The following PKHD1L1 variants were observed in gnomAD, a reference collection of about 807,000 sequenced individuals.
PKHD1L1 encodes the protein PKHD1 like 1.
Under a neutral mutation model 462.9 loss-of-function variants are expected in PKHD1L1, and 434 were observed. That is an observed-to-expected ratio of 0.94 (90% CI 0.87 to 1.02). The LOEUF is 1.02. Ranked by LOEUF, PKHD1L1 falls within the 50% of genes least tolerant of loss-of-function variation. PKHD1L1 has a pLI of 0.00. For synonymous variants in PKHD1L1, 1,781 were observed against 1,750.0 expected (o/e 1.02, Z -0.44); for missense variants, 5,202 against 5,096.1 (o/e 1.02, Z -0.63).
chr8:109,436,234 AT>A, intron 29 of PKHD1L1, 103 bp from the exon 30 acceptor site: 1 of 1,204,812 alleles, frequency 8.3e-7, no homozygotes, highest in Non-Finnish European at 1.2e-6. Flanking sequence ...CTCTTGGATC[AT>A]TAGACTATTC....
intron 2 of PKHD1L1, among the ~76,000 whole-genome samples, chr8:109,372,071 T>C (rs1811541239): frequency 6.6e-6 from 1 of 152,206 alleles, no homozygotes; most frequent in Admixed American, 6.5e-5. Context: ...GGGGATGGCA[T>C]TGAATCTATA....
chr8:109,493,825 G>T (rs1818952763), intron 63 of PKHD1L1, 74 bp downstream of exon 63: 2 of 994,252 alleles, frequency 2.0e-6, no homozygotes, highest in Non-Finnish European at 2.9e-6. Context: ...AATAATTATT[G>T]TTTGTTAATT....
intron 9 of PKHD1L1, among the ~76,000 whole-genome samples, chr8:109,394,189 A>AG (rs961840550): frequency 6.6e-5 from 10 of 151,136 alleles, no homozygotes; most frequent in African/African-American, 2.4e-4. Flanking sequence ...AAAAAAAAAA[A>AG]AAAAAAAAGA....
rs1490809741 is a variant in PKHD1L1 at position 109,445,040 on chromosome 8, T to C, written c.5171T>C (p.Val1724Ala). The change falls in exon 38 of 78, where the codon GTA becomes GCA. Residue 1724 changes from valine (V) to alanine (A), a missense_variant. Around this residue, in one of 3 missense-constraint regions of PKHD1L1, gnomAD observed 4,497 missense variants for 4,336.8 expected, o/e 1.04. Transcript: ENST00000378402. ...TSPAAQQLVD[V>A]DLLIHGVPAQ... ...CCTGCTGCCCAACAGCTTGTGGATG[T>C]AGATCTTCTAATACATGGAGTGCCT... 1 of 1,613,866 alleles carries C rather than the reference T, an allele frequency of 6.2e-7. No individual in the cohort carries two copies. The highest frequency in any genetic ancestry group is 1.3e-5 in the African/African-American group (1 of 74,924).
Position 109,445,273 on chromosome 8 carries a change from G to C in PKHD1L1, c.5404G>C (p.Val1802Leu). The C allele has an allele frequency of 6.2e-7, 1 of 1,614,008 alleles. No individual in the cohort carries two copies. The highest frequency in any genetic ancestry group is 8.5e-7 in the Non-Finnish European group (1 of 1,179,882). ...EVNENNITALVTPLPVGHHSV... is the reference protein window; with the variant it reads ...EVNENNITALLTPLPVGHHSV... ...TAATGAAAACAACATCACTGCTCTT[G>C]TGACTCCTCTCCCAGTTGGACATCA... Residue 1802 changes from valine (V) to leucine (L), a missense_variant, in exon 38 of 78, where the codon GTG (valine) becomes CTG (leucine). Around this residue, in one of 3 missense-constraint regions of PKHD1L1, gnomAD observed 4,497 missense variants for 4,336.8 expected, o/e 1.04. Transcript: ENST00000378402.
At chr8:109,386,760 G>C (rs1586406330) in intron 6 of PKHD1L1, among the ~76,000 whole-genome samples, 1 of 152,128 alleles carries the variant, frequency 6.6e-6, no homozygotes, top group African/African-American at 2.4e-5. Flanking sequence ...CTAATTCTTA[G>C]ACAGGTTTTT....
intron 2 of PKHD1L1, among the ~76,000 whole-genome samples, chr8:109,378,563 G>A (rs867607420): frequency 1.3e-5 from 2 of 152,288 alleles, no homozygotes; most frequent in African/African-American, 2.4e-5. Context: ...TTCCATGACT[G>A]TCTATAATAC....
intron 52 of PKHD1L1, among the ~76,000 whole-genome samples, 167 bp downstream of exon 52, chr8:109,476,834 T>C (rs1417106734): frequency 2.0e-5 from 3 of 152,176 alleles, no homozygotes; most frequent in Non-Finnish European, 2.9e-5. Flanking sequence ...GAAAAGGTTT[T>C]GAGTTGAATT....
chr8:109,419,060 A>T, intron 21 of PKHD1L1, 37 bp from the exon 22 acceptor site: 1 of 1,547,016 alleles, frequency 6.5e-7, no homozygotes, highest in Non-Finnish European at 8.8e-7. Flanking sequence ...AAACATTACC[A>T]CTGATCTATA....
At chr8:109,454,337 C>A in intron 44 of PKHD1L1, 91 bp downstream of exon 44, 1 of 843,968 alleles carries the variant, frequency 1.2e-6, no homozygotes, top group Non-Finnish European at 1.8e-6. Context: ...TTAATTATAT[C>A]AACCTCTCCT....
At chr8:109,502,941 T>C (rs892507539) in intron 67 of PKHD1L1, among the ~76,000 whole-genome samples, 21 of 152,314 alleles carry the variant, frequency 1.4e-4, no homozygotes, top group South Asian at 8.3e-4. Flanking sequence ...TAGCTACTTG[T>C]GGTAATGGAC....
chr8:109,464,827 A>T lies in PKHD1L1; in HGVS notation c.7995A>T (p.Gly2665=). 1.9e-6 allele frequency: 3 copies of T among 1,613,796 alleles called. No homozygotes were observed. The highest frequency in any genetic ancestry group is 2.5e-6 in the Non-Finnish European group (3 of 1,179,796). The stretch of plus-strand genomic sequence containing the variant: ...AAAAAGGAGCTGAATGGGTCAATGG[A>T]GGTGCCCTTCAGTTCCATAACTTTG... ...NCQKGAEWVN[G]GALQFHNFVM... Residue 2665 remains glycine, a synonymous_variant, in exon 49 of 78, where the codon GGA becomes GGT. Coordinates refer to ENST00000378402, the MANE Select transcript of PKHD1L1 (RefSeq NM_177531.6).
Position 109,518,170 on chromosome 8 carries a change from A to C in PKHD1L1, c.11693A>C (p.Gln3898Pro). ...CELNNHLYKD[Q>P]FLPNLDSTVL... Reference sequence around the variant, plus strand: ...TTCTGGCTTTTTTCCTTCATAGACCAATTCCTTCCTAACCTGGATTCCACT... The same window carrying C: ...TTCTGGCTTTTTTCCTTCATAGACCCATTCCTTCCTAACCTGGATTCCACT... Residue 3898 changes from glutamine to proline, a missense_variant, in exon 73 of 78, where the codon CAA becomes CCA. Physicochemically the swap from Gln to Pro is moderately conservative, Grantham distance 76. Coordinates refer to ENST00000378402, the MANE Select transcript of PKHD1L1 (RefSeq NM_177531.6). The C allele has an allele frequency of 6.4e-7, 1 of 1,566,406 alleles. No homozygotes were observed. Among genetic ancestry groups the C allele is most frequent in the Non-Finnish European group, 8.7e-7 (1 of 1,142,952 alleles).
chr8:109,467,784 C>A (rs1480749034), intron 50 of PKHD1L1, among the ~76,000 whole-genome samples: 1 of 152,004 alleles, frequency 6.6e-6, no homozygotes, highest in African/African-American at 2.4e-5. Flanking sequence ...TAAACAAAAT[C>A]TTTATATCAT....
intron 51 of PKHD1L1, 79 bp downstream of exon 51, chr8:109,475,348 A>G (rs1021778645): frequency 7.0e-6 from 8 of 1,150,774 alleles, no homozygotes; most frequent in Non-Finnish European, 2.4e-6. Context: ...ACTCACAGAC[A>G]TTGTCAGGCC....
chr8:109,369,176 A>G (rs1476518314), intron 2 of PKHD1L1, among the ~76,000 whole-genome samples: 1 of 149,660 alleles, frequency 6.7e-6, no homozygotes, highest in Non-Finnish European at 1.5e-5. Context: ...GGGTTTCACC[A>G]TCTTGGCCAG....
At chr8:109,394,277 A>G in intron 9 of PKHD1L1, 138 bp from the exon 10 acceptor site, 1 of 527,852 alleles carries the variant, frequency 1.9e-6, no homozygotes, top group Non-Finnish European at 3.4e-6. Context: ...AAATCAAAAT[A>G]AAGAACATTC....
Position 109,490,981 on chromosome 8 carries a change from C to T in PKHD1L1, c.9994C>T (p.His3332Tyr), listed in dbSNP as rs769155117. 3.1e-6 allele frequency: 5 copies of T among 1,605,220 alleles called. No homozygotes were observed. The highest frequency in any genetic ancestry group is 4.3e-6 in the Non-Finnish European group (5 of 1,173,978). ...TFLNLGQIQEHGSSYIRGCAF... is the reference protein window; with the variant it reads ...TFLNLGQIQEYGSSYIRGCAF... ...TCCCAATGTTGTATAGATTCAAGAACATGGCTCATCTTATATTCGAGGCTG... is the reference window on the plus strand; with the variant it reads ...TCCCAATGTTGTATAGATTCAAGAATATGGCTCATCTTATATTCGAGGCTG... The change falls in exon 61 of 78, where the codon CAT (histidine) becomes TAT (tyrosine). Residue 3332 changes from histidine (H) to tyrosine (Y), a missense_variant. This residue lies in a region of PKHD1L1 where 4,497 missense variants were observed against 4,336.8 expected (regional missense o/e 1.04). Transcript: ENST00000378402.
At chr8:109,501,629 C>T (rs1167485880) in intron 67 of PKHD1L1, among the ~76,000 whole-genome samples, 1 of 152,172 alleles carries the variant, frequency 6.6e-6, no homozygotes, top group Non-Finnish European at 1.5e-5. Context: ...GTAGAAGTAG[C>T]TCCACTAACA....
Sources: gnomAD v4.1 joint callset for allele counts (sites outside exome capture counted in the v4.1 genomes callset) on GRCh38, gnomAD v4.1.1 for gene constraint, gnomAD v4.1.1 regional missense constraint, MANE v1.5 for transcripts, NCBI Gene and HGNC (gene_info 2026-07-23, HGNC 2026-07-21) for gene names.